Variants in TRIM72 observed in about 807,000 individuals in gnomAD.
TRIM72 encodes tripartite motif-containing protein 72.
TRIM72 carries 33 observed loss-of-function variants against 31.6 expected under a neutral mutation model. The ratio of observed to expected loss-of-function variants is 1.04; its 90% CI spans 0.79 to 1.40. TRIM72 has a LOEUF of 1.40. Ranked by LOEUF, TRIM72 falls within the 40% of genes most tolerant of loss-of-function variation. The pLI, the probability that TRIM72 is intolerant of heterozygous loss-of-function variation, is 0.00. For missense variants in TRIM72, 666 were observed against 682.7 expected (o/e 0.98, Z 0.27); for synonymous variants, 301 against 314.4 (o/e 0.96, Z 0.45).
In TRIM72 at chr16:31,227,026, G is replaced by C. The variant is rs1407716044; in HGVS notation, c.*2271G>C. On this transcript the variant is annotated 3_prime_UTR_variant, in exon 7 of 7. Coordinates refer to ENST00000322122, the MANE Select transcript of TRIM72 (RefSeq NM_001008274.4). ...GGGTGTGTCTCCCAGAGGAAGGCCT[G>C]TGGAGCCCTGGCTTCAGGAGACAGA... is the stretch of plus-strand genomic sequence containing the variant. 6.6e-6 allele frequency: 1 copy of C among 152,270 alleles called. No individual in the cohort carries two copies. Among genetic ancestry groups the C allele is most frequent in the Non-Finnish European group, 1.5e-5 (1 of 68,062 alleles). The allele number at this position is 152,270 out of a possible 1,614,324, so 9.4% of individuals were successfully genotyped here. A position where few individuals can be genotyped will look rare whatever the true frequency, so the allele number is the denominator to read the frequency against.
rs1181742784 is a variant in TRIM72, at chr16:31,215,067, C to T, written c.329C>T (p.Ser110Leu). 6.8e-7 allele frequency: 1 copy of T among 1,468,036 alleles called. No homozygotes were observed. Among genetic ancestry groups the T allele is most frequent in the South Asian group, 1.4e-5 (1 of 72,866 alleles). 90.9% of individuals were successfully genotyped at this position (1,468,036 alleles called of 1,614,324 possible). A position where few individuals can be genotyped will look rare whatever the true frequency, so the allele number is the denominator to read the frequency against. ...DRALVCGVCA[S>L]LGSHRGHRLL... ...GCGCTGGTGTGCGGAGTGTGCGCCTCACTCGGCTCGCACCGCGGTCATCGC... is the reference window on the plus strand; with the variant it reads ...GCGCTGGTGTGCGGAGTGTGCGCCTTACTCGGCTCGCACCGCGGTCATCGC... Residue 110 changes from serine (S) to leucine (L), a missense_variant, in exon 2 of 7, where the codon TCA becomes TTA. Physicochemically the swap from Ser to Leu is moderately radical, Grantham distance 145 (BLOSUM62 -2). Transcript: ENST00000322122. This position sits in a 1 kb window ranked among gnomAD's most constrained non-coding sequence, Gnocchi z 6.3.
Position 31,215,148 on chromosome 16 carries a change from C to T in TRIM72, c.390+20C>T. The T allele has an allele frequency of 7.0e-7, 1 of 1,428,226 alleles. No individual in the cohort carries two copies. Among genetic ancestry groups the T allele is most frequent in the Non-Finnish European group, 9.1e-7 (1 of 1,099,640 alleles). 88.5% of individuals were successfully genotyped at this position (1,428,226 alleles called of 1,614,324 possible). ...CTCAAGGTGCGGGATCCGCGCGCATCGTGGTCGGAGGGGCTGTTCGGTGGC... is the reference window on the plus strand; with the variant it reads ...CTCAAGGTGCGGGATCCGCGCGCATTGTGGTCGGAGGGGCTGTTCGGTGGC... On this transcript the variant is annotated intron_variant, in intron 2 of 6. Coordinates refer to ENST00000322122, the MANE Select transcript of TRIM72 (RefSeq NM_001008274.4). The surrounding 1 kb of genome is among the most constrained non-coding windows in gnomAD (Gnocchi z 6.3).
Position 31,228,786 on chromosome 16 carries a change from G to T in TRIM72, c.*4031G>T, listed in dbSNP as rs1292371523. On this transcript the variant is annotated 3_prime_UTR_variant, in exon 7 of 7. Coordinates refer to ENST00000322122, the MANE Select transcript of TRIM72 (RefSeq NM_001008274.4). ...TTTAGTAGAGGCGGGGTTTTGCCAT[G>T]TTGGCCAGGCTGATCTCGAACTCCT... The T allele has an allele frequency of 6.6e-6, 1 of 152,098 alleles. No individual in the cohort carries two copies. Among genetic ancestry groups the T allele is most frequent in the African/African-American group, 2.4e-5 (1 of 41,392 alleles). The allele number at this position is 152,098 out of a possible 1,614,324, so 9.4% of individuals were successfully genotyped here.
In TRIM72 at chr16:31,225,643, C is replaced by CTTTTTTTTTT. The variant is rs1160718865; in HGVS notation, c.*905_*914dup. 4.9e-5 allele frequency: 4 copies of CTTTTTTTTTT among 81,104 alleles called. No homozygotes were observed. Among genetic ancestry groups the CTTTTTTTTTT allele is most frequent in the Non-Finnish European group, 7.4e-5 (3 of 40,638 alleles). The allele number at this position is 81,104 out of a possible 1,614,324, so 5.0% of individuals were successfully genotyped here. On this transcript the variant is annotated 3_prime_UTR_variant, in exon 7 of 7. Coordinates refer to ENST00000322122, the MANE Select transcript of TRIM72 (RefSeq NM_001008274.4). ...AAATGCTCATTTCTTTTTTTTATTT[C>CTTTTTTTTTT]TTTTTTTTTTTTTTTTTTTTTTTTT...
At position 31,217,202 on chromosome 16, in the gene TRIM72, G is replaced by A. The variant is rs566469673; in HGVS notation, c.391-1893G>A. On this transcript the variant is annotated intron_variant, in intron 2 of 6. Coordinates refer to ENST00000322122, the MANE Select transcript of TRIM72 (RefSeq NM_001008274.4). Reference sequence around the variant, plus strand: ...GGGGACTCTGCAAACACCGCCTAGAGGGTCCCCCAGTTTCCCCTGGGAGAG... The same window carrying A: ...GGGGACTCTGCAAACACCGCCTAGAAGGTCCCCCAGTTTCCCCTGGGAGAG... 58 of 680,412 alleles carry A rather than the reference G, an allele frequency of 8.5e-5. No individual in the cohort carries two copies. In the African/African-American group the frequency reaches 1.0e-3, roughly 12 times the overall value. The allele number at this position is 680,412 out of a possible 1,614,324, so 42.1% of individuals were successfully genotyped here. A position where few individuals can be genotyped will look rare whatever the true frequency, so the allele number is the denominator to read the frequency against.
Position 31,219,539 on chromosome 16 carries a change from C to A in TRIM72, c.717+20C>A, listed in dbSNP as rs749115699. ...CTCATGGTGAGCACTGGGTGACCCC[C>A]CTCCCTGCCTCAGCCCCCTGCTCAG... On this transcript the variant is annotated intron_variant, in intron 4 of 6. Transcript: ENST00000322122. This position sits in a 1 kb window ranked among gnomAD's most constrained non-coding sequence, Gnocchi z 4.2. 3.1e-6 allele frequency: 5 copies of A among 1,592,814 alleles called. No homozygotes were observed. Among genetic ancestry groups the A allele is most frequent in the African/African-American group, 2.7e-5 (2 of 74,352 alleles).
At position 31,230,093 on chromosome 16, in the gene TRIM72, A is replaced by C. The variant is rs1170064437; in HGVS notation, c.*5338A>C. 1 of 152,240 alleles carries C rather than the reference A, an allele frequency of 6.6e-6. No individual in the cohort carries two copies. The highest frequency in any genetic ancestry group is 6.6e-5 in the Admixed American group (1 of 15,262). The allele number at this position is 152,240 out of a possible 1,614,324, so 9.4% of individuals were successfully genotyped here. A position where few individuals can be genotyped will look rare whatever the true frequency, so the allele number is the denominator to read the frequency against. Reference sequence around the variant, plus strand: ...AGAGAGTTAAAACAGGAATTAAAAGAAATTAAAGAATGTGTAAGCAAAAAC... The same window carrying C: ...AGAGAGTTAAAACAGGAATTAAAAGCAATTAAAGAATGTGTAAGCAAAAAC... On this transcript the variant is annotated 3_prime_UTR_variant, in exon 7 of 7. Transcript: ENST00000322122.
At chr16:31,217,220 T>G in intron 2 of TRIM72, 2 of 618,280 alleles carry the variant, frequency 3.2e-6, no homozygotes, top group Non-Finnish European at 5.5e-6. Flanking sequence ...CAGTTTCCCC[T>G]GGGAGAGTGG....
rs2079562262 is a variant in TRIM72 at position 31,228,967 on chromosome 16, CT to C, written c.*4214del. ...AAAACACCACCATTTCCTGTCCTCT[CT>C]TGACCTTCTAGGCCTCCAGGAAGAA... On this transcript the variant is annotated 3_prime_UTR_variant, in exon 7 of 7. Coordinates refer to ENST00000322122, the MANE Select transcript of TRIM72 (RefSeq NM_001008274.4). 1 of 152,348 alleles carries C rather than the reference CT, an allele frequency of 6.6e-6. No individual in the cohort carries two copies. Among genetic ancestry groups the C allele is most frequent in the South Asian group, 2.1e-4 (1 of 4,828 alleles). 9.4% of individuals were successfully genotyped at this position (152,348 alleles called of 1,614,324 possible).
Position 31,219,123 on chromosome 16 carries a change from T to C in TRIM72, c.419T>C (p.Leu140Pro). 1 of 1,591,810 alleles carries C rather than the reference T, an allele frequency of 6.3e-7. No individual in the cohort carries two copies. Reference sequence around the variant, plus strand: ...CAGCTGCCACAGCAGAAACTGCAGCTGCAGGAGGCATGCATGCGCAAGGAG... The same window carrying C: ...CAGCTGCCACAGCAGAAACTGCAGCCGCAGGAGGCATGCATGCGCAAGGAG... ...KTQLPQQKLQLQEACMRKEKS... is the reference protein window; with the variant it reads ...KTQLPQQKLQPQEACMRKEKS... The change falls in exon 3 of 7, where the codon CTG (leucine) becomes CCG (proline). Residue 140 changes from leucine (L) to proline (P), a missense_variant. Physicochemically the swap from Leu to Pro is moderately conservative, Grantham distance 98 (BLOSUM62 -3). Transcript: ENST00000322122. This position sits in a 1 kb window ranked among gnomAD's most constrained non-coding sequence, Gnocchi z 4.2.
In TRIM72 at chr16:31,219,206, G is replaced by A; in HGVS notation, c.486+16G>A. ...GGAGGTGGAGGTGAGGACTTCACAG[G>A]GCCATGTCTGAGGGCTGGGGGCCAG... On this transcript the variant is annotated intron_variant, in intron 3 of 6. Coordinates refer to ENST00000322122, the MANE Select transcript of TRIM72 (RefSeq NM_001008274.4). The surrounding 1 kb of genome is among the most constrained non-coding windows in gnomAD (Gnocchi z 4.2). 6.2e-7 allele frequency: 1 copy of A among 1,613,776 alleles called. No homozygotes were observed. The highest frequency in any genetic ancestry group is 8.5e-7 in the Non-Finnish European group (1 of 1,179,840).
In TRIM72 at chr16:31,218,450, G is replaced by A. The variant is rs574624658; in HGVS notation, c.391-645G>A. ...AATCCCAGCACTTCGGGAGGCTGAC[G>A]TGGGTGGATCACCTGAGGTCAGAAG... On this transcript the variant is annotated intron_variant, in intron 2 of 6. Coordinates refer to ENST00000322122, the MANE Select transcript of TRIM72 (RefSeq NM_001008274.4). Among the ~76,000 whole-genome samples, 9 of 152,284 alleles carry A rather than the reference G, an allele frequency of 5.9e-5. 1 individual carries two copies. In the South Asian group the frequency reaches 1.4e-3, roughly 25 times the overall value.
chr16:31,224,329 G>C lies in TRIM72; in HGVS notation c.1008G>C (p.Ala336=), dbSNP rs1596943463. 6.3e-7 allele frequency: 1 copy of C among 1,592,980 alleles called. No homozygotes were observed. The highest frequency in any genetic ancestry group is 2.3e-5 in the East Asian group (1 of 44,274). Residue 336 remains alanine, a synonymous_variant, in exon 7 of 7, where the codon GCG becomes GCC. Transcript: ENST00000322122. Reference sequence around the variant, plus strand: ...TCGACAAGGCGGTGGCGGTGGTGGCGCACCAGCAGCTCTCCGAGGGCGAGC... The same window carrying C: ...TCGACAAGGCGGTGGCGGTGGTGGCCCACCAGCAGCTCTCCGAGGGCGAGC... ...RQFDKAVAVV[A]HQQLSEGEHY...
rs752864214 is a variant in TRIM72 at position 31,220,907 on chromosome 16, G to C, written c.729G>C (p.Leu243=). The part of the protein sequence containing the change: ...PQTEFLMKYC[L]VTSRLQKILA... ...TTCTCTCTCTCCAGAAATACTGCCT[G>C]GTGACCAGCAGGTGAGAGCAACCTG... The change falls in exon 5 of 7, where the codon CTG becomes CTC. Residue 243 remains leucine, a synonymous_variant. Transcript: ENST00000322122. The C allele has an allele frequency of 1.9e-6, 3 of 1,614,140 alleles. No individual in the cohort carries two copies. The highest frequency in any genetic ancestry group is 8.5e-7 in the Non-Finnish European group (1 of 1,180,028).
Position 31,220,772 on chromosome 16 carries a change from CT to C in TRIM72, c.718-120del, listed in dbSNP as rs373728866. On this transcript the variant is annotated intron_variant, in intron 4 of 6. Transcript: ENST00000322122. Reference sequence around the variant, plus strand: ...AGGCATGAGCCACCTCGTCTGGCCTCTTTTAGCTTTTCTGATTCTTTCTGAC... The same window carrying C: ...AGGCATGAGCCACCTCGTCTGGCCTCTTTAGCTTTTCTGATTCTTTCTGAC... 3.9e-5 allele frequency: 52 copies of C among 1,348,438 alleles called. No individual in the cohort carries two copies. The African/African-American group carries it at 4.2e-4, about 11-fold the overall frequency. 83.5% of individuals were successfully genotyped at this position (1,348,438 alleles called of 1,614,324 possible). A position where few individuals can be genotyped will look rare whatever the true frequency, so the allele number is the denominator to read the frequency against.
Position 31,216,466 on chromosome 16 carries a change from G to A in TRIM72, c.390+1338G>A. The A allele has an allele frequency of 2.6e-6, 1 of 391,128 alleles. No individual in the cohort carries two copies. 24.2% of individuals were successfully genotyped at this position (391,128 alleles called of 1,614,324 possible). Reference sequence around the variant, plus strand: ...AAACAAACAAAAAAAACCCAACCTCGCCCAACCTTGCCCGTCTTTATCTGC... The same window carrying A: ...AAACAAACAAAAAAAACCCAACCTCACCCAACCTTGCCCGTCTTTATCTGC... On this transcript the variant is annotated intron_variant, in intron 2 of 6. Coordinates refer to ENST00000322122, the MANE Select transcript of TRIM72 (RefSeq NM_001008274.4). This position sits in a 1 kb window ranked among gnomAD's most constrained non-coding sequence, Gnocchi z 6.7.
rs1330772581 is a variant in TRIM72, at chr16:31,227,246, G to A, written c.*2491G>A. On this transcript the variant is annotated 3_prime_UTR_variant, in exon 7 of 7. Coordinates refer to ENST00000322122, the MANE Select transcript of TRIM72 (RefSeq NM_001008274.4). ...CCCTCCAGCCTTTAATCCTGACTTG[G>A]TAATGTTTCCAAAAATGCAAATGTG... 1 of 152,188 alleles carries A rather than the reference G, an allele frequency of 6.6e-6. No individual in the cohort carries two copies. Among genetic ancestry groups the A allele is most frequent in the Non-Finnish European group, 1.5e-5 (1 of 68,034 alleles). 9.4% of individuals were successfully genotyped at this position (152,188 alleles called of 1,614,324 possible). A position where few individuals can be genotyped will look rare whatever the true frequency, so the allele number is the denominator to read the frequency against.
In TRIM72 at chr16:31,224,572, G is replaced by A; in HGVS notation, c.1251G>A (p.Leu417=). ...ERRPTRIGLY[L]SFGDGVLSFY... is the part of the protein sequence containing the mutation. ...GGCCCACGCGCATTGGCCTTTACCTGAGCTTCGGCGACGGCGTCCTCTCCT... is the reference window on the plus strand; with the variant it reads ...GGCCCACGCGCATTGGCCTTTACCTAAGCTTCGGCGACGGCGTCCTCTCCT... The change falls in exon 7 of 7, where the codon CTG becomes CTA. Residue 417 remains leucine (L), a synonymous_variant. Transcript: ENST00000322122. The A allele has an allele frequency of 6.4e-7, 1 of 1,550,534 alleles. No individual in the cohort carries two copies. Among genetic ancestry groups the A allele is most frequent in the Non-Finnish European group, 8.7e-7 (1 of 1,153,546 alleles).
chr16:31,229,845 T>C lies in TRIM72; in HGVS notation c.*5090T>C, dbSNP rs2079564863. The stretch of plus-strand genomic sequence containing the variant: ...GCTCACGCCTGTAATCCCAGCACTT[T>C]TGGAGGTTGAGGCGGGTGAATCACC... On this transcript the variant is annotated 3_prime_UTR_variant, in exon 7 of 7. Coordinates refer to ENST00000322122, the MANE Select transcript of TRIM72 (RefSeq NM_001008274.4). 6.6e-6 allele frequency: 1 copy of C among 152,240 alleles called. No homozygotes were observed. Among genetic ancestry groups the C allele is most frequent in the East Asian group, 1.9e-4 (1 of 5,194 alleles). 9.4% of individuals were successfully genotyped at this position (152,240 alleles called of 1,614,324 possible). A position where few individuals can be genotyped will look rare whatever the true frequency, so the allele number is the denominator to read the frequency against.
Sources: gnomAD v4.1 joint callset for allele counts (sites outside exome capture counted in the v4.1 genomes callset) on GRCh38, gnomAD v4.1.1 for gene constraint, Gnocchi (gnomAD v3.1) non-coding constraint, MANE v1.5 for transcripts, NCBI Gene and HGNC (gene_info 2026-07-23, HGNC 2026-07-21) for gene names.